Variants in CCDC122 observed in about 807,000 individuals in gnomAD.
The protein encoded by CCDC122 is coiled-coil domain containing 122.
In CCDC122, 38 loss-of-function variants were observed where a neutral mutation model predicts 37.0. That is an observed-to-expected ratio of 1.03 (90% CI 0.79 to 1.35). The LOEUF is 1.35. CCDC122 is among the 40% of genes most tolerant of loss of function. CCDC122 has a pLI of 0.00. For synonymous variants in CCDC122, 83 were observed against 95.6 expected (o/e 0.87, Z 0.77); for missense variants, 305 against 310.0 (o/e 0.98, Z 0.12).
At chr13:43,867,615 T>C (rs566903132) in intron 4 of CCDC122, among the ~76,000 whole-genome samples, 3 of 152,218 alleles carry the variant, frequency 2.0e-5, no homozygotes, top group African/African-American at 7.2e-5. Context: ...CTCTTCCCAA[T>C]AGATGGTAAG....
chr13:43,854,124 T>C (rs888759679), intron 6 of CCDC122: 6 of 149,206 alleles, frequency 4.0e-5, no homozygotes, highest in Non-Finnish European at 8.9e-5. Context: ...TAGAAGACAA[T>C]AACCAAAATC....
intron 4 of CCDC122, among the ~76,000 whole-genome samples, chr13:43,861,852 T>A (rs9533662): frequency 0.38 from 57,076 of 151,918 alleles, 10,995 homozygotes; most frequent in East Asian, 0.53. Context: ...ACTTTCTGAT[T>A]TCAATAAACT....
chr13:43,868,097 G>C (rs12875276), intron 4 of CCDC122, among the ~76,000 whole-genome samples: 1 of 151,996 alleles, frequency 6.6e-6, no homozygotes, highest in Non-Finnish European at 1.5e-5. Flanking sequence ...TTTTGAACTA[G>C]GCAGTTCAGC....
At chr13:43,863,127 C>T (rs1954165147) in intron 4 of CCDC122, among the ~76,000 whole-genome samples, 1 of 152,018 alleles carries the variant, frequency 6.6e-6, no homozygotes, top group Non-Finnish European at 1.5e-5. Context: ...AGATAATAAA[C>T]GTAGTCATTA....
rs375265750 is a variant in CCDC122 at position 43,869,435 on chromosome 13, T to C, written c.-59A>G. The C allele has an allele frequency of 1.5e-6, 2 of 1,325,670 alleles. No homozygotes were observed. Among genetic ancestry groups the C allele is most frequent in the African/African-American group, 3.0e-5 (2 of 67,506 alleles). 82.1% of individuals were successfully genotyped at this position (1,325,670 alleles called of 1,614,324 possible). On this transcript the variant is annotated 5_prime_UTR_variant, in exon 3 of 7. Coordinates refer to ENST00000444614, the MANE Select transcript of CCDC122 (RefSeq NM_144974.5). The stretch of plus-strand genomic sequence containing the variant: ...ATTTACCTTCTTTACTCCTACTCAA[T>C]AATCTATATTGATAATCTTTCACTT...
downstream of CCDC122, among the ~76,000 whole-genome samples, chr13:43,832,318 AC>A (rs1451972786): frequency 6.6e-6 from 1 of 152,144 alleles, no homozygotes; most frequent in East Asian, 1.9e-4. Flanking sequence ...TGAGCAACTA[AC>A]AAATCAAAAC....
At chr13:43,861,254 G>GT (rs1020307640) in intron 4 of CCDC122, among the ~76,000 whole-genome samples, 4 of 152,166 alleles carry the variant, frequency 2.6e-5, no homozygotes, top group African/African-American at 9.7e-5. Flanking sequence ...TTATGGAAGA[G>GT]TTTTTTAAAG....
downstream of CCDC122, among the ~76,000 whole-genome samples, chr13:43,833,852 A>C (rs1418385187): frequency 1.3e-5 from 2 of 152,224 alleles, no homozygotes; most frequent in Non-Finnish European, 2.9e-5. Context: ...CTGAATATTT[A>C]CCTCAAAGAG....
chr13:43,861,477 C>T (rs1268145503), intron 4 of CCDC122, among the ~76,000 whole-genome samples: 1 of 152,166 alleles, frequency 6.6e-6, no homozygotes, highest in Non-Finnish European at 1.5e-5. Context: ...CTTAGCTCTT[C>T]CCTTCTTTTA....
At chr13:43,862,343 T>C (rs1466858482) in intron 4 of CCDC122, among the ~76,000 whole-genome samples, 2 of 152,138 alleles carry the variant, frequency 1.3e-5, no homozygotes, top group African/African-American at 4.8e-5. Context: ...TACTTTAAAA[T>C]TCTCTACCCC....
At chr13:43,875,495 G>A (rs2153881047) in intron 1 of CCDC122, among the ~76,000 whole-genome samples, 1 of 152,250 alleles carries the variant, frequency 6.6e-6, no homozygotes, top group Admixed American at 6.5e-5. Context: ...ATATGCAAAT[G>A]GACAATGGCC....
downstream of CCDC122, among the ~76,000 whole-genome samples, chr13:43,819,972 T>TTA (rs397736989): frequency 6.6e-6 from 1 of 151,840 alleles, no homozygotes; most frequent in Non-Finnish European, 1.5e-5. Flanking sequence ...AAGTTTTTTT[T>TTA]ATTGTCAATA....
intron 6 of CCDC122, among the ~76,000 whole-genome samples, chr13:43,839,749 C>T (rs1478181113): frequency 6.6e-6 from 1 of 152,162 alleles, no homozygotes; most frequent in Non-Finnish European, 1.5e-5. Context: ...CCAATTTCTT[C>T]ACATCCTTGA....
intron 6 of CCDC122, among the ~76,000 whole-genome samples, chr13:43,846,877 G>A (rs76078517): frequency 1.7e-5 from 1 of 59,662 alleles, no homozygotes; most frequent in Non-Finnish European, 3.3e-5. Flanking sequence ...GAATCCACAA[G>A]ACAGTATAAA....
chr13:43,877,507 G>T (rs1954656177), intron 1 of CCDC122, among the ~76,000 whole-genome samples: 1 of 151,990 alleles, frequency 6.6e-6, no homozygotes, highest in Admixed American at 6.5e-5. Flanking sequence ...TCTTGGCTAG[G>T]GGCCCAGACT....
chr13:43,819,401 G>A (rs906359107), downstream of CCDC122, among the ~76,000 whole-genome samples: 7 of 152,280 alleles, frequency 4.6e-5, no homozygotes, highest in African/African-American at 1.7e-4. Context: ...AGCATCCATT[G>A]CAGTACTATT....
At chr13:43,875,737 G>A (rs1954590542) in intron 1 of CCDC122, among the ~76,000 whole-genome samples, 1 of 152,120 alleles carries the variant, frequency 6.6e-6, no homozygotes, top group South Asian at 2.1e-4. Flanking sequence ...TTTCCAAGTT[G>A]AGACTAACAA....
intron 3 of CCDC122, among the ~76,000 whole-genome samples, chr13:43,824,403 A>G (rs1001553658): frequency 6.6e-6 from 1 of 152,254 alleles, no homozygotes; most frequent in Non-Finnish European, 1.5e-5. Flanking sequence ...TACAGAAATT[A>G]ACTCAAGATG....
At chr13:43,865,882 C>T (rs1402533369) in intron 4 of CCDC122, among the ~76,000 whole-genome samples, 1 of 152,162 alleles carries the variant, frequency 6.6e-6, no homozygotes, top group Non-Finnish European at 1.5e-5. Flanking sequence ...TTCACCTTCT[C>T]ACTTAAAGTA....
Sources: allele counts gnomAD v4.1 joint callset (sites outside exome capture counted in the v4.1 genomes callset), GRCh38; gene constraint gnomAD v4.1.1; transcripts MANE v1.5; gene names NCBI Gene and HGNC (gene_info 2026-07-23, HGNC 2026-07-21).